PCDHGA1: variants seen among roughly 807,000 people sequenced by gnomAD.
PCDHGA1 encodes protocadherin gamma subfamily A, 1, also known as protocadherin gamma-A1.
PCDHGA1 carries 32 observed loss-of-function variants against 58.0 expected under a neutral mutation model. The observed-to-expected ratio is 0.55, with a 90% confidence interval of 0.42 to 0.74. PCDHGA1 has a LOEUF of 0.74. Ranked by LOEUF, PCDHGA1 falls within the 30% of genes least tolerant of loss-of-function variation. The pLI, the probability that PCDHGA1 is intolerant of heterozygous loss-of-function variation, is 0.00. For missense variants in PCDHGA1, 1,205 were observed against 1,182.3 expected, an observed-to-expected ratio of 1.02 and a Z score of -0.28; for synonymous variants, 498 against 501.1, an observed-to-expected ratio of 0.99 and a Z score of 0.08.
At chr5:141,441,890 T>C (rs967557692) in intron 1 of PCDHGA1, 18 of 348,170 alleles carry the variant, frequency 5.2e-5, no homozygotes, top group Non-Finnish European at 7.2e-5. Flanking sequence ...GTCACCAAGG[T>C]GGTGGCTGTA....
intron 1 of PCDHGA1, chr5:141,362,779 T>G (rs1588580747): frequency 3.3e-6 from 2 of 601,870 alleles, no homozygotes; most frequent in East Asian, 5.9e-5. Flanking sequence ...TTGCACTGTA[T>G]TTCTTTTTCT....
At position 141,505,629 on chromosome 5, in the gene PCDHGA1, C is replaced by T. The variant is rs1475582931; in HGVS notation, c.2569+148C>T. 7.4e-6 allele frequency: 11 copies of T among 1,482,192 alleles called. No individual in the cohort carries two copies. The African/African-American group carries it at 9.8e-5, about 13-fold the overall frequency. The allele number at this position is 1,482,192 out of a possible 1,614,324, so 91.8% of individuals were successfully genotyped here. ...GTCTGAAAGGACCCACAATTCCAAACATAAAGCCTGGAATTGTGGCTAAGG... is the reference window on the plus strand; with the variant it reads ...GTCTGAAAGGACCCACAATTCCAAATATAAAGCCTGGAATTGTGGCTAAGG... On this transcript the variant is annotated intron_variant, in intron 3 of 3. Coordinates refer to ENST00000517417, the MANE Select transcript of PCDHGA1 (RefSeq NM_018912.3).
chr5:141,377,400 G>A (rs1463331041), intron 1 of PCDHGA1: 1 of 152,108 alleles, frequency 6.6e-6, no homozygotes, highest in Non-Finnish European at 1.5e-5. Context: ...GAGACCAGGA[G>A]TTTGAGACCA....
intron 1 of PCDHGA1, chr5:141,403,207 C>G: frequency 6.2e-7 from 1 of 1,613,966 alleles, no homozygotes. Context: ...GCACCTTGGT[C>G]ACCGCGGGTA....
chr5:141,353,252 T>C (rs1274889420), intron 1 of PCDHGA1, among the ~76,000 whole-genome samples: 1 of 152,210 alleles, frequency 6.6e-6, no homozygotes, highest in African/African-American at 2.4e-5. Context: ...CTTTTCTTAG[T>C]TGATATGCAA....
intron 1 of PCDHGA1, chr5:141,427,650 G>A (rs1352503291): frequency 1.4e-6 from 1 of 718,312 alleles, no homozygotes; most frequent in Admixed American, 2.0e-5. Flanking sequence ...AGTCTCCTAC[G>A]TGGTCCACGT....
Position 141,427,474 on chromosome 5 carries a change from A to T in PCDHGA1, c.2422-67333A>T, listed in dbSNP as rs373512099. On this transcript the variant is annotated intron_variant, in intron 1 of 3. Transcript: ENST00000517417. The stretch of plus-strand genomic sequence containing the variant: ...CCTTTTAGAATCGAATCTTCCGCCA[A>T]TAATGACTATAAGCTTGTAACAGAT... 10 of 520,294 alleles carry T rather than the reference A, an allele frequency of 1.9e-5. No individual in the cohort carries two copies. In the East Asian group the frequency reaches 2.1e-4, roughly 11 times the overall value. The allele number at this position is 520,294 out of a possible 1,614,324, so 32.2% of individuals were successfully genotyped here. A position where few individuals can be genotyped will look rare whatever the true frequency, so the allele number is the denominator to read the frequency against.
At chr5:141,344,350 T>A in intron 1 of PCDHGA1, 2 of 1,613,880 alleles carry the variant, frequency 1.2e-6, no homozygotes, top group Non-Finnish European at 1.7e-6. Context: ...CTGGTAAAAA[T>A]TAACATTCTG....
rs1410729947 is a variant in PCDHGA1 at position 141,493,256 on chromosome 5, T to TA, written c.2422-1550dup. 3.3e-5 allele frequency among the ~76,000 whole-genome samples: 5 copies of TA among 152,306 alleles called. No homozygotes were observed. The highest frequency in any genetic ancestry group is 1.2e-4 in the African/African-American group (5 of 41,570). ...TGGCTAGGTACTAACATGCCTCTCT[T>TA]ATAACAGCTTCACAGAGGTCAAGTG... On this transcript the variant is annotated intron_variant, in intron 1 of 3. Transcript: ENST00000517417. This position sits in a 1 kb window ranked among gnomAD's most constrained non-coding sequence, Gnocchi z 4.3.
At chr5:141,464,995 G>A (rs1330469198) in intron 1 of PCDHGA1, among the ~76,000 whole-genome samples, 1 of 151,962 alleles carries the variant, frequency 6.6e-6, no homozygotes, top group East Asian at 1.9e-4. Context: ...TCCCACCTCA[G>A]CCTCCCAAAG....
In PCDHGA1 at chr5:141,400,151, C is replaced by G. The variant is rs201457414; in HGVS notation, c.2421+67046C>G. ...GTGCTGCCGGATATCACTGACCGCC[C>G]TGTACCCTCTGACCCCCAGGCTGAG... On this transcript the variant is annotated intron_variant, in intron 1 of 3. Transcript: ENST00000517417. 6.4e-5 allele frequency: 104 copies of G among 1,614,086 alleles called. No individual in the cohort carries two copies. The highest frequency in any genetic ancestry group is 4.9e-4 in the Middle Eastern group (3 of 6,062).
chr5:141,452,252 C>T (rs868364679), intron 1 of PCDHGA1, among the ~76,000 whole-genome samples: 2 of 152,106 alleles, frequency 1.3e-5, no homozygotes, highest in Non-Finnish European at 2.9e-5. Context: ...TTTGCCATAA[C>T]TCTCTCATTT....
At chr5:141,386,849 C>G (rs1259863561) in intron 1 of PCDHGA1, among the ~76,000 whole-genome samples, 1 of 152,200 alleles carries the variant, frequency 6.6e-6, no homozygotes, top group Non-Finnish European at 1.5e-5. Context: ...AATCACTAAA[C>G]TCAGTGAGCT....
intron 1 of PCDHGA1, chr5:141,384,703 G>A (rs776947081): frequency 6.2e-7 from 1 of 1,614,100 alleles, no homozygotes; most frequent in South Asian, 1.1e-5. Flanking sequence ...AGGCCAGAAC[G>A]CCTGGCTGTC....
At chr5:141,352,389 G>T (rs768350578) in intron 1 of PCDHGA1, 5 of 1,614,006 alleles carry the variant, frequency 3.1e-6, no homozygotes, top group Non-Finnish European at 4.2e-6. Context: ...ATCGCCCTGC[G>T]CCTGCGACGT....
Position 141,331,702 on chromosome 5 carries a change from G to A in PCDHGA1, c.1018G>A (p.Val340Ile), listed in dbSNP as rs151199533. Residue 340 changes from valine to isoleucine, a missense_variant, in exon 1 of 4, where the codon GTA (valine) becomes ATA (isoleucine). Val to Ile is a conservative substitution (Grantham distance 29). Transcript: ENST00000517417. ...TAAGGTACTGATCAAAGTTTTGGAT[G>A]TAAATGATAATGCCCCAGAAGTGAC... is the stretch of plus-strand genomic sequence containing the variant. ...KVKVLIKVLD[V>I]NDNAPEVTIT... 2.5e-6 allele frequency: 4 copies of A among 1,613,942 alleles called. No homozygotes were observed. In the South Asian group the frequency reaches 3.3e-5, roughly 13 times the overall value.
intron 1 of PCDHGA1, chr5:141,376,077 C>T (rs373865501): frequency 6.2e-7 from 1 of 1,613,380 alleles, no homozygotes; most frequent in Non-Finnish European, 8.5e-7. Flanking sequence ...GTGGCCGTGG[C>T]CGACAGGATC....
intron 1 of PCDHGA1, chr5:141,344,484 C>A (rs1322550070): frequency 1.2e-6 from 2 of 1,613,764 alleles, no homozygotes; most frequent in South Asian, 1.1e-5. Context: ...TCCTGGAACC[C>A]GATTTCCAAT....
chr5:141,498,390 T>C (rs2099783500), intron 2 of PCDHGA1, among the ~76,000 whole-genome samples: 1 of 151,982 alleles, frequency 6.6e-6, no homozygotes, highest in Non-Finnish European at 1.5e-5. Context: ...ATCAAGGGAA[T>C]GGCAGGGAGT....
Sources: gnomAD v4.1 joint callset for allele counts (sites outside exome capture counted in the v4.1 genomes callset) on GRCh38, gnomAD v4.1.1 for gene constraint, Gnocchi (gnomAD v3.1) non-coding constraint, MANE v1.5 for transcripts, NCBI Gene and HGNC (gene_info 2026-07-23, HGNC 2026-07-21) for gene names.